Variants in TRPC6 observed in about 807,000 individuals in gnomAD.
TRPC6 encodes transient receptor potential cation channel subfamily C member 6, also known as short transient receptor potential channel 6.
Under a neutral mutation model 90.7 loss-of-function variants are expected in TRPC6, and 55 were observed. That is an observed-to-expected ratio of 0.61 (90% CI 0.49 to 0.76). The LOEUF (loss-of-function observed/expected upper bound fraction) is 0.76, where lower values mean the gene tolerates loss of function less well. Among genes scored for constraint, TRPC6 ranks in the 30% least tolerant of loss-of-function variants. The probability of loss-of-function intolerance (pLI) is 0.00; values close to 1 mark genes in which losing one functional copy is unlikely to be tolerated. For missense variants in TRPC6, 989 were observed against 1,122.7 expected, an observed-to-expected ratio of 0.88 and a Z score of 1.70; for synonymous variants, 393 against 393.0, an observed-to-expected ratio of 1.00 and a Z score of 0.00.
At chr11:101,486,361 T>C (rs955844873) in intron 4 of TRPC6, among the ~76,000 whole-genome samples, 1 of 152,064 alleles carries the variant, frequency 6.6e-6, no homozygotes. Context: ...GATGAAGAAA[T>C]TGAACAACTT....
chr11:101,477,201 C>T (rs1413074044), intron 5 of TRPC6, among the ~76,000 whole-genome samples: 1 of 150,806 alleles, frequency 6.6e-6, no homozygotes, highest in Non-Finnish European at 1.5e-5. Flanking sequence ...GATGCTTCTA[C>T]CCAACCTTCC....
chr11:101,482,831 T>G, intron 5 of TRPC6, 118 bp downstream of exon 5: 3 of 1,055,458 alleles, frequency 2.8e-6, no homozygotes, highest in Non-Finnish European at 4.3e-6. Context: ...AATTATGATG[T>G]GTGGTGCACT....
At chr11:101,538,738 C>T (rs1001804376) in intron 1 of TRPC6, among the ~76,000 whole-genome samples, 3 of 152,150 alleles carry the variant, frequency 2.0e-5, no homozygotes, top group Non-Finnish European at 4.4e-5. Flanking sequence ...ATGATAAAAA[C>T]TGGACCCACG....
At chr11:101,468,901 G>T (rs903549829) in intron 10 of TRPC6, among the ~76,000 whole-genome samples, 2 of 151,984 alleles carry the variant, frequency 1.3e-5, no homozygotes, top group African/African-American at 4.8e-5. Flanking sequence ...CTATGTACAG[G>T]CCACAAAAAA....
At chr11:101,507,203 C>A (rs2136749538) in intron 1 of TRPC6, among the ~76,000 whole-genome samples, 1 of 152,076 alleles carries the variant, frequency 6.6e-6, no homozygotes, top group Middle Eastern at 3.4e-3. Context: ...TCCCTATAAC[C>A]TTAAACCTAA....
At chr11:101,489,507 TCA>T (rs1195129236) in intron 3 of TRPC6, among the ~76,000 whole-genome samples, 2 of 152,188 alleles carry the variant, frequency 1.3e-5, no homozygotes, top group African/African-American at 4.8e-5. Flanking sequence ...ATCTAAAATG[TCA>T]CAGAGTTTAT....
chr11:101,543,921 G>T (rs1017808770), intron 1 of TRPC6, among the ~76,000 whole-genome samples: 1 of 152,064 alleles, frequency 6.6e-6, no homozygotes, highest in Non-Finnish European at 1.5e-5. Context: ...GACAGCAAAA[G>T]AAACTGTCAT....
intron 1 of TRPC6, among the ~76,000 whole-genome samples, chr11:101,509,328 G>A (rs1370920805): frequency 6.6e-6 from 1 of 151,614 alleles, no homozygotes; most frequent in African/African-American, 2.4e-5. Flanking sequence ...CAAACTCGTG[G>A]GCTCAAGTAT....
chr11:101,476,194 C>T lies in TRPC6; in HGVS notation c.1744+107G>A, dbSNP rs1043826160. The T allele has an allele frequency of 2.4e-5, 22 of 925,872 alleles. No homozygotes were observed. In the African/African-American group the frequency reaches 3.5e-4, roughly 15 times the overall value. The allele number at this position is 925,872 out of a possible 1,614,324, so 57.4% of individuals were successfully genotyped here. Reference sequence around the variant, plus strand: ...ATTCTTCAGATACAGATGTTGGAAACTCACAAACAATTTTATGAGAATTGT... The same window carrying T: ...ATTCTTCAGATACAGATGTTGGAAATTCACAAACAATTTTATGAGAATTGT... On this transcript the variant is annotated intron_variant, in intron 6 of 12. Coordinates refer to ENST00000344327, the MANE Select transcript of TRPC6 (RefSeq NM_004621.6).
chr11:101,574,210 T>C (rs1297383316), intron 1 of TRPC6, among the ~76,000 whole-genome samples: 1 of 150,986 alleles, frequency 6.6e-6, no homozygotes. Context: ...CTGAAGCTTC[T>C]GAGTTGAAAA....
At chr11:101,462,942 G>T (rs1474156237) in intron 10 of TRPC6, among the ~76,000 whole-genome samples, 1 of 152,050 alleles carries the variant, frequency 6.6e-6, no homozygotes, top group Non-Finnish European at 1.5e-5. Flanking sequence ...ATTGGCTGTG[G>T]GTTTGTCATG....
chr11:101,583,386 C>CGAG lies in TRPC6; in HGVS notation c.117_118insCTC (p.Gly39_Glu40insLeu). Reference sequence around the variant, plus strand: ...AGCGGGGCTTGCGGGCAGCCGTCTTCTCCCAGCTCCGAGTCCATGAGCAGA... The same window carrying CGAG: ...AGCGGGGCTTGCGGGCAGCCGTCTTCGAGTCCCAGCTCCGAGTCCATGAGCAGA... On this transcript the variant is annotated inframe_insertion, in exon 1 of 13. Coordinates refer to ENST00000344327, the MANE Select transcript of TRPC6 (RefSeq NM_004621.6). The CGAG allele has an allele frequency of 6.3e-7, 1 of 1,592,458 alleles. No individual in the cohort carries two copies. Among genetic ancestry groups the CGAG allele is most frequent in the South Asian group, 1.1e-5 (1 of 88,038 alleles).
intron 1 of TRPC6, among the ~76,000 whole-genome samples, chr11:101,505,395 A>T (rs1343270750): frequency 6.6e-6 from 1 of 152,148 alleles, no homozygotes; most frequent in African/African-American, 2.4e-5. Flanking sequence ...ATAAGCCTAT[A>T]ATGGGGCATC....
intron 1 of TRPC6, among the ~76,000 whole-genome samples, chr11:101,579,638 T>C (rs571196733): frequency 6.6e-6 from 1 of 152,246 alleles, no homozygotes; most frequent in African/African-American, 2.4e-5. Flanking sequence ...TGACTATTTC[T>C]AGGCTAGTTA....
chr11:101,546,813 A>G (rs1260572823), intron 1 of TRPC6, among the ~76,000 whole-genome samples: 1 of 152,184 alleles, frequency 6.6e-6, no homozygotes, highest in Non-Finnish European at 1.5e-5. Context: ...TATAACACAA[A>G]TATCTATCAA....
chr11:101,536,654 G>A (rs1861055449), intron 1 of TRPC6, among the ~76,000 whole-genome samples: 2 of 152,236 alleles, frequency 1.3e-5, no homozygotes, highest in Non-Finnish European at 2.9e-5. Flanking sequence ...CATGTTTGAG[G>A]AGCCAAAAGT....
chr11:101,498,732 A>AAAC (rs1405950086), intron 2 of TRPC6, among the ~76,000 whole-genome samples: 47 of 152,308 alleles, frequency 3.1e-4, no homozygotes, highest in Non-Finnish European at 3.8e-4. Flanking sequence ...AATACTTTCC[A>AAAC]AGTGGCTGTA....
intron 11 of TRPC6, among the ~76,000 whole-genome samples, chr11:101,454,490 G>A (rs1334069342): frequency 6.6e-6 from 1 of 151,860 alleles, no homozygotes; most frequent in Non-Finnish European, 1.5e-5. Flanking sequence ...TTATATATTT[G>A]TATGAAGGAA....
intron 1 of TRPC6, among the ~76,000 whole-genome samples, chr11:101,559,821 TC>T (rs1861676453): frequency 7.2e-6 from 1 of 138,962 alleles, no homozygotes; most frequent in Non-Finnish European, 1.5e-5. Context: ...TGTGTGATGT[TC>T]CCCTTCCTGT....
Sources: allele counts gnomAD v4.1 joint callset (sites outside exome capture counted in the v4.1 genomes callset), GRCh38; gene constraint gnomAD v4.1.1; transcripts MANE v1.5; gene names NCBI Gene and HGNC (gene_info 2026-07-23, HGNC 2026-07-21).